DLGAP2: variants seen among roughly 807,000 people sequenced by gnomAD.
DLGAP2 encodes the protein DLG associated protein 2.
In DLGAP2, 26 loss-of-function variants were observed where a neutral mutation model predicts 100.3. That is an observed-to-expected ratio of 0.26 (90% CI 0.19 to 0.36). DLGAP2 has a LOEUF of 0.36. Ranked by LOEUF, DLGAP2 falls within the 10% of genes least tolerant of loss-of-function variation. DLGAP2 has a pLI of 1.00. For missense variants in DLGAP2, 1,858 were observed against 1,453.2 expected (o/e 1.28, Z -4.53); for synonymous variants, 886 against 630.1 (o/e 1.41, Z -6.08).
intron 1 of DLGAP2, among the ~76,000 whole-genome samples, chr8:898,460 C>A (rs2128996926): frequency 6.6e-6 from 1 of 152,352 alleles, no homozygotes; most frequent in East Asian, 1.9e-4. Context: ...GACGCTTCAT[C>A]CGCAGGGCAC....
At chr8:1,622,726 A>G (rs770503616) in intron 6 of DLGAP2, among the ~76,000 whole-genome samples, 22 of 152,260 alleles carry the variant, frequency 1.4e-4, no homozygotes, top group Non-Finnish European at 2.6e-4. Flanking sequence ...ACTATTTAAA[A>G]AAAAATTCTG....
In DLGAP2 at chr8:1,423,143, A is replaced by G. The variant is rs180841544; in HGVS notation, c.107-78223A>G. ...ATGTTTTTAAAATAATGAATGAACC[A>G]CAACAGCTAAAGCCTAGGTGGCAAG... On this transcript the variant is annotated intron_variant, in intron 3 of 14. Transcript: ENST00000637795. Among the ~76,000 whole-genome samples the G allele has an allele frequency of 9.5e-4, 145 of 152,358 alleles. 1 individual carries two copies. The highest frequency in any genetic ancestry group is 3.3e-3 in the African/African-American group (139 of 41,576).
At chr8:781,365 T>A (rs1476714533) in intron 1 of DLGAP2, among the ~76,000 whole-genome samples, 2 of 152,236 alleles carry the variant, frequency 1.3e-5, no homozygotes, top group Non-Finnish European at 1.5e-5. Context: ...TTCCTAAAGC[T>A]ATTCATGGAA....
At chr8:1,416,884 G>C (rs1347007167) in intron 3 of DLGAP2, among the ~76,000 whole-genome samples, 1 of 152,134 alleles carries the variant, frequency 6.6e-6, no homozygotes. Flanking sequence ...AAACCTGTTC[G>C]TGTGAAAGCT....
intron 2 of DLGAP2, among the ~76,000 whole-genome samples, chr8:926,680 G>A (rs543215049): frequency 2.6e-5 from 4 of 152,346 alleles, no homozygotes; most frequent in South Asian, 2.1e-4. Flanking sequence ...GGGGGTGTGC[G>A]GCAGCCGTGG....
chr8:1,548,532 T>A (rs992513598), intron 4 of DLGAP2, 94 bp from the exon 5 acceptor site: 15 of 1,133,964 alleles, frequency 1.3e-5, no homozygotes, highest in Non-Finnish European at 1.7e-5. Context: ...TGGACACTGA[T>A]TAATGAAGTC....
At chr8:747,330 C>T (rs991415184) in intron 1 of DLGAP2, among the ~76,000 whole-genome samples, 3 of 152,024 alleles carry the variant, frequency 2.0e-5, no homozygotes, top group African/African-American at 4.8e-5. Flanking sequence ...TGAAAACCAT[C>T]GAGCCGTAGT....
At position 1,430,011 on chromosome 8, in the gene DLGAP2, T is replaced by TATATATATACAC. The variant is rs1554467365; in HGVS notation, c.107-71346_107-71345insCACATATATATA. On this transcript the variant is annotated intron_variant, in intron 3 of 14. Transcript: ENST00000637795. ...GGGGAGAGATGCATATATATACATA[T>TATATATATACAC]ATATATATATATATATACACACACA... Among the ~76,000 whole-genome samples the TATATATATACAC allele has an allele frequency of 2.8e-4, 18 of 63,958 alleles. 1 individual carries two copies. Among genetic ancestry groups the TATATATATACAC allele is most frequent in the African/African-American group, 9.9e-4 (18 of 18,098 alleles). 42.0% of individuals were successfully genotyped at this position (63,958 alleles called of 152,430 possible). A position where few individuals can be genotyped will look rare whatever the true frequency, so the allele number is the denominator to read the frequency against.
chr8:858,505 A>G (rs759428019), intron 1 of DLGAP2, among the ~76,000 whole-genome samples: 3 of 151,666 alleles, frequency 2.0e-5, no homozygotes, highest in African/African-American at 7.3e-5. Flanking sequence ...TCGTGGGCAC[A>G]TGTGTGGTGC....
At chr8:1,288,728 A>G (rs1252757600) in intron 3 of DLGAP2, among the ~76,000 whole-genome samples, 80 of 119,338 alleles carry the variant, frequency 6.7e-4, no homozygotes, top group Non-Finnish European at 1.0e-3. Flanking sequence ...GTTTCGTTTC[A>G]GTGTGTGTGT....
intron 3 of DLGAP2, chr8:1,259,683 A>T (rs1329272927): frequency 6.6e-6 from 1 of 152,122 alleles, no homozygotes; most frequent in Non-Finnish European, 1.5e-5. Context: ...AGATGGGGAG[A>T]GATGATCCCA....
At chr8:1,487,764 G>A (rs559855328) in intron 3 of DLGAP2, among the ~76,000 whole-genome samples, 7 of 152,284 alleles carry the variant, frequency 4.6e-5, no homozygotes, top group South Asian at 2.1e-4. Flanking sequence ...ACACAGCACC[G>A]ATTCTCAGGT....
intron 2 of DLGAP2, among the ~76,000 whole-genome samples, chr8:1,256,321 C>T (rs1799214931): frequency 8.6e-6 from 1 of 116,790 alleles, no homozygotes; most frequent in South Asian, 3.2e-4. Context: ...GTCCTCTCAT[C>T]CTGTCTGGGT....
chr8:749,221 G>T (rs993060328), intron 1 of DLGAP2, among the ~76,000 whole-genome samples: 3 of 152,162 alleles, frequency 2.0e-5, no homozygotes, highest in Non-Finnish European at 4.4e-5. Flanking sequence ...AAACTCTTGG[G>T]TTCAAGCAGT....
chr8:1,516,911 T>C (rs551598061), intron 4 of DLGAP2, among the ~76,000 whole-genome samples: 26 of 152,182 alleles, frequency 1.7e-4, no homozygotes, highest in Admixed American at 3.3e-4. Context: ...ATATGTTTTG[T>C]TCTGTTTGCT....
chr8:1,650,955 G>T (rs903512653), intron 8 of DLGAP2, among the ~76,000 whole-genome samples: 3 of 152,114 alleles, frequency 2.0e-5, no homozygotes, highest in Admixed American at 1.3e-4. Flanking sequence ...AGGACGGTAC[G>T]GACATTCCTG....
intron 4 of DLGAP2, among the ~76,000 whole-genome samples, chr8:1,532,061 T>C (rs1331786679): frequency 6.6e-6 from 1 of 152,204 alleles, no homozygotes; most frequent in East Asian, 1.9e-4. Context: ...CATGGTTGCA[T>C]TCTTTTGAGT....
At chr8:1,572,409 A>G (rs1802761300) in intron 6 of DLGAP2, among the ~76,000 whole-genome samples, 1 of 124,072 alleles carries the variant, frequency 8.1e-6, no homozygotes, top group Non-Finnish European at 1.7e-5. Flanking sequence ...GAGAGGGGTG[A>G]ACTGTGGGGG....
At chr8:1,614,329 G>A (rs1367689567) in intron 6 of DLGAP2, among the ~76,000 whole-genome samples, 1 of 152,214 alleles carries the variant, frequency 6.6e-6, no homozygotes, top group East Asian at 1.9e-4. Flanking sequence ...TCTCACCTCA[G>A]AACTGACTCA....
Sources: gnomAD v4.1 joint callset for allele counts (sites outside exome capture counted in the v4.1 genomes callset) on GRCh38, gnomAD v4.1.1 for gene constraint, MANE v1.5 for transcripts, NCBI Gene and HGNC (gene_info 2026-07-23, HGNC 2026-07-21) for gene names.